The following CD70 variants were observed in gnomAD, a reference collection of about 807,000 sequenced individuals.
CD70 encodes the protein CD70 antigen.
A neutral mutation model predicts 9.0 loss-of-function variants in CD70; 6 were observed. The observed-to-expected ratio is 0.67, with a 90% confidence interval of 0.37 to 1.32. The LOEUF (loss-of-function observed/expected upper bound fraction) is 1.32. CD70 is among the 40% of genes most tolerant of loss of function. The pLI, the probability that CD70 is intolerant of heterozygous loss-of-function variation, is 0.02. For synonymous variants in CD70, 108 were observed against 112.3 expected (o/e 0.96, Z 0.24); for missense variants, 235 against 258.7 (o/e 0.91, Z 0.63).
intron 2 of CD70, among the ~76,000 whole-genome samples, chr19:6,586,933 C>G (rs937011935): frequency 9.6e-5 from 12 of 124,356 alleles, no homozygotes; most frequent in Non-Finnish European, 8.4e-5. Flanking sequence ...CAGAAACAGA[C>G]AAGGGTAAAG....
At chr19:6,585,679 A>ATT (rs58556239), downstream of CD70, among the ~76,000 whole-genome samples, 9 of 147,138 alleles carry the variant, frequency 6.1e-5, no homozygotes, top group East Asian at 6.0e-4. Flanking sequence ...AACCAAGAAC[A>ATT]TTTTTTTTTT....
Position 6,586,173 on chromosome 19 carries a change from C to A in CD70, c.429G>T (p.Leu143=), listed in dbSNP as rs891431960. The A allele has an allele frequency of 2.5e-6, 4 of 1,614,152 alleles. No individual in the cohort carries two copies. Among genetic ancestry groups the A allele is most frequent in the Non-Finnish European group, 3.4e-6 (4 of 1,180,036 alleles). The change falls in exon 3 of 3, where the codon CTG becomes CTT. Residue 143 remains leucine (L), a synonymous_variant. Transcript: ENST00000245903. ...CSPASRSISL[L]RLSFHQGCTI... ...TACAACCTTGGTGGAAGCTGAGACG[C>A]AGCAGGCTGATGCTACGGGAGGCGG...
At chr19:6,586,474 A>C in intron 2 of CD70, 69 bp from the exon 3 acceptor site, 1 of 1,463,072 alleles carries the variant, frequency 6.8e-7, no homozygotes. Flanking sequence ...GGGGTCATAG[A>C]GAAAGTCAGA....
intron 2 of CD70, among the ~76,000 whole-genome samples, chr19:6,587,718 A>G (rs1256984413): frequency 1.3e-5 from 2 of 150,546 alleles, no homozygotes; most frequent in Non-Finnish European, 3.0e-5. Context: ...TAGGATCTTT[A>G]TTTTCTTTAG....
chr19:6,588,702 C>T (rs1477337234), intron 2 of CD70, among the ~76,000 whole-genome samples: 1 of 152,134 alleles, frequency 6.6e-6, no homozygotes, highest in Non-Finnish European at 1.5e-5. Flanking sequence ...CCTGGCATGC[C>T]CGGATTCCCC....
At chr19:6,587,028 G>T (rs1271476880) in intron 2 of CD70, among the ~76,000 whole-genome samples, 1 of 151,598 alleles carries the variant, frequency 6.6e-6, no homozygotes, top group Non-Finnish European at 1.5e-5. Context: ...GGACGAGAGT[G>T]CACGAGAGAG....
intron 2 of CD70, among the ~76,000 whole-genome samples, chr19:6,587,520 G>T (rs1916054062): frequency 6.6e-6 from 1 of 152,150 alleles, no homozygotes; most frequent in Admixed American, 6.6e-5. Flanking sequence ...GAGAGAGACA[G>T]CGTGCGCACG....
At chr19:6,589,310 TCTCA>T (rs1225011092) in intron 2 of CD70, among the ~76,000 whole-genome samples, 2 of 151,572 alleles carry the variant, frequency 1.3e-5, no homozygotes, top group Non-Finnish European at 2.9e-5. Flanking sequence ...TTTCTCTCTC[TCTCA>T]CCTCCCTCCC....
At chr19:6,582,562 G>A (rs917661481), downstream of CD70, among the ~76,000 whole-genome samples, 6 of 146,604 alleles carry the variant, frequency 4.1e-5, no homozygotes, top group African/African-American at 1.5e-4. Flanking sequence ...TCCTCCCTGT[G>A]TCCAAGTATT....
chr19:6,581,727 T>C (rs1469885237), downstream of CD70, among the ~76,000 whole-genome samples: 1 of 152,156 alleles, frequency 6.6e-6, no homozygotes, highest in East Asian at 1.9e-4. Context: ...GTTTATACAA[T>C]ACATATTTTT....
At chr19:6,582,348 C>CT (rs59168141), downstream of CD70, among the ~76,000 whole-genome samples, 62 of 135,190 alleles carry the variant, frequency 4.6e-4, 1 homozygote, top group East Asian at 2.3e-3. Flanking sequence ...GCAGTCAAAT[C>CT]TTTTTTTTTT....
chr19:6,586,238 T>C lies in CD70; in HGVS notation c.364A>G (p.Arg122Gly). The change falls in exon 3 of 3, where the codon AGG becomes GGG. Residue 122 changes from arginine to glycine, a missense_variant. Arg to Gly is a moderately radical substitution (Grantham distance 125). Transcript: ENST00000245903. ...ACGGCCAGGGTGGTGGGGTGGTGCC[T>C]GGAGGCCGTCGTGGAGGAGCAGATG... is the stretch of plus-strand genomic sequence containing the variant. Reference protein sequence around the residue: ...LAICSSTTASRHHPTTLAVGI... With the variant: ...LAICSSTTASGHHPTTLAVGI... 6.2e-7 allele frequency: 1 copy of C among 1,613,992 alleles called. No individual in the cohort carries two copies. Among genetic ancestry groups the C allele is most frequent in the Non-Finnish European group, 8.5e-7 (1 of 1,180,006 alleles).
At chr19:6,587,130 G>A (rs1350823390) in intron 2 of CD70, among the ~76,000 whole-genome samples, 2 of 150,660 alleles carry the variant, frequency 1.3e-5, no homozygotes, top group Non-Finnish European at 3.0e-5. Flanking sequence ...GAGAGAGTGC[G>A]AGAGAGCACG....
At chr19:6,584,144 T>TAAAAA (rs56703384), downstream of CD70, among the ~76,000 whole-genome samples, 6 of 133,574 alleles carry the variant, frequency 4.5e-5, no homozygotes, top group Admixed American at 7.5e-5. Flanking sequence ...CTTCTCATTG[T>TAAAAA]AAAAAAAAAA....
chr19:6,590,929 G>A lies in CD70; in HGVS notation c.74C>T (p.Pro25Leu). Residue 25 changes from proline to leucine, a missense_variant, in exon 1 of 3, where the codon CCA becomes CTA. Transcript: ENST00000245903. The surrounding 1 kb of genome is among the most constrained non-coding windows in gnomAD (Gnocchi z 5.3). ...GCAGATCACCAAGCCCGCGACCAAT[G>A]GGACCAAAGCAGCCCGCAGGACGCA... ...YGCVLRAALV[P>L]LVAGLVICLV... is the part of the protein sequence containing the mutation. The A allele has an allele frequency of 1.2e-6, 2 of 1,614,092 alleles. No individual in the cohort carries two copies. Among genetic ancestry groups the A allele is most frequent in the Non-Finnish European group, 1.7e-6 (2 of 1,179,998 alleles).
Position 6,590,096 on chromosome 19 carries a change from G to A in CD70, c.196+7C>T, listed in dbSNP as rs555945239. On this transcript the variant is annotated splice_region_variant and intron_variant, in intron 2 of 2. Coordinates refer to ENST00000245903, the MANE Select transcript of CD70 (RefSeq NM_001252.5). The surrounding 1 kb of genome is among the most constrained non-coding windows in gnomAD (Gnocchi z 5.3). Reference sequence around the variant, plus strand: ...TTCTCCCCGTCCCTCCACGTCCCCCGTGTTACCTGTGTGATTCAGCTGCAG... The same window carrying A: ...TTCTCCCCGTCCCTCCACGTCCCCCATGTTACCTGTGTGATTCAGCTGCAG... The A allele has an allele frequency of 5.6e-6, 9 of 1,611,676 alleles. No individual in the cohort carries two copies. The South Asian group carries it at 9.9e-5, about 18-fold the overall frequency.
At chr19:6,587,259 C>T (rs948917272) in intron 2 of CD70, among the ~76,000 whole-genome samples, 3 of 132,406 alleles carry the variant, frequency 2.3e-5, no homozygotes, top group South Asian at 2.6e-4. Context: ...GGAGAGTGCA[C>T]GAGAGAGTGA....
downstream of CD70, among the ~76,000 whole-genome samples, chr19:6,584,286 G>A (rs1915974741): frequency 6.6e-6 from 1 of 151,650 alleles, no homozygotes; most frequent in Non-Finnish European, 1.5e-5. Context: ...GAGGCGGGTG[G>A]ATCACAAGGT....
chr19:6,588,001 A>G (rs544797769), intron 2 of CD70, among the ~76,000 whole-genome samples: 10 of 152,160 alleles, frequency 6.6e-5, no homozygotes, highest in Non-Finnish European at 1.5e-4. Flanking sequence ...GCCGGGAGCC[A>G]AGGTCCTCGG....
Sources: allele counts gnomAD v4.1 joint callset (sites outside exome capture counted in the v4.1 genomes callset), GRCh38; gene constraint gnomAD v4.1.1; non-coding constraint Gnocchi (gnomAD v3.1); transcripts MANE v1.5; gene names NCBI Gene and HGNC (gene_info 2026-07-23, HGNC 2026-07-21).